Variants in STX2 observed in about 807,000 individuals in gnomAD.
The protein encoded by STX2 is syntaxin-2.
STX2 carries 27 observed loss-of-function variants against 40.6 expected under a neutral mutation model. That is an observed-to-expected ratio of 0.66 (90% CI 0.49 to 0.92). The LOEUF is 0.92. Among genes scored for constraint, STX2 ranks in the 40% least tolerant of loss-of-function variants. The probability of loss-of-function intolerance (pLI) is 0.00; values close to 1 mark genes in which losing one functional copy is unlikely to be tolerated. For synonymous variants in STX2, 123 were observed against 119.1 expected, an observed-to-expected ratio of 1.03 and a Z score of -0.22; for missense variants, 328 against 366.1, an observed-to-expected ratio of 0.90 and a Z score of 0.85.
chr12:130,817,983 G>A (rs1951924444), intron 3 of STX2, among the ~76,000 whole-genome samples: 1 of 151,364 alleles, frequency 6.6e-6, no homozygotes, highest in Non-Finnish European at 1.5e-5. Flanking sequence ...GCAGGGCAGG[G>A]GTCCCGGAGC....
intron 2 of STX2, among the ~76,000 whole-genome samples, chr12:130,823,281 C>T (rs1008537739): frequency 6.6e-6 from 1 of 152,204 alleles, no homozygotes; most frequent in African/African-American, 2.4e-5. Flanking sequence ...CACTACACTA[C>T]AGCCTGGGCA....
chr12:130,799,263 T>C (rs1230229618), intron 8 of STX2, among the ~76,000 whole-genome samples: 2 of 152,220 alleles, frequency 1.3e-5, no homozygotes, highest in East Asian at 3.8e-4. Context: ...TTCAACTTAC[T>C]AGTAATCTCT....
chr12:130,815,575 G>A (rs1032027196), intron 3 of STX2, among the ~76,000 whole-genome samples: 2 of 152,190 alleles, frequency 1.3e-5, no homozygotes, highest in Non-Finnish European at 2.9e-5. Flanking sequence ...AATATCCAGT[G>A]GATTTTCAGG....
At chr12:130,831,103 T>C (rs1165478993) in intron 1 of STX2, among the ~76,000 whole-genome samples, 3 of 152,216 alleles carry the variant, frequency 2.0e-5, no homozygotes, top group Admixed American at 1.3e-4. Flanking sequence ...TAATTTGCCA[T>C]TGGAACGATC....
At chr12:130,800,286 T>C (rs774071741) in intron 8 of STX2, among the ~76,000 whole-genome samples, 11 of 151,374 alleles carry the variant, frequency 7.3e-5, no homozygotes, top group Non-Finnish European at 1.5e-4. Flanking sequence ...CATACATACA[T>C]ATATATGTGT....
In STX2 at chr12:130,830,430, G is replaced by GGCGTC. The variant is rs368473884; in HGVS notation, c.31-3168_31-3164dup. On this transcript the variant is annotated intron_variant, in intron 1 of 10. Coordinates refer to ENST00000392373, the MANE Select transcript of STX2 (RefSeq NM_194356.4). ...CGCGATGCACCCCCCACAGTGGCGT[G>GGCGTC]GCGTCAATCCTCCTCCACTCTGAAC... 4.4e-3 allele frequency among the ~76,000 whole-genome samples: 670 copies of GGCGTC among 152,278 alleles called. 9 individuals are homozygous for GGCGTC. Among genetic ancestry groups the GGCGTC allele is most frequent in the African/African-American group, 0.016 (647 of 41,558 alleles).
Position 130,836,152 on chromosome 12 carries a change from C to T in STX2, c.30+2918G>A, listed in dbSNP as rs760702541. ...AAAGGACACATTTCCTGGGGCGGGG[C>T]GGGGGAGGGGAATTAAACTTGTATC... On this transcript the variant is annotated intron_variant, in intron 1 of 10. Transcript: ENST00000392373. Among the ~76,000 whole-genome samples, 36 of 98,018 alleles carry T rather than the reference C, an allele frequency of 3.7e-4. 1 individual carries two copies. The highest frequency in any genetic ancestry group is 2.0e-3 in the Admixed American group (16 of 7,986). 64.3% of individuals were successfully genotyped at this position (98,018 alleles called of 152,430 possible).
intron 9 of STX2, chr12:130,798,258 AAAAAAAAAAAGTGC>A: frequency 4.3e-6 from 1 of 234,722 alleles, no homozygotes. Flanking sequence ...TTCAAAAAAA[AAAAAAAAAAAGTGC>A]TGGGATTACA....
In STX2 at chr12:130,826,771, C is replaced by T. The variant is rs550422757; in HGVS notation, c.105+422G>A. Among the ~76,000 whole-genome samples, 6 of 151,884 alleles carry T rather than the reference C, an allele frequency of 4.0e-5. No homozygotes were observed. In the South Asian group the frequency reaches 6.2e-4, roughly 16 times the overall value. ...ATCCTAGCACTTTGGGAAGCTGAGGCGGGCGGATTGCCTGAGCTCAGGAGT... is the reference window on the plus strand; with the variant it reads ...ATCCTAGCACTTTGGGAAGCTGAGGTGGGCGGATTGCCTGAGCTCAGGAGT... On this transcript the variant is annotated intron_variant, in intron 2 of 10. Coordinates refer to ENST00000392373, the MANE Select transcript of STX2 (RefSeq NM_194356.4).
chr12:130,821,780 C>T lies in STX2; in HGVS notation c.114G>A (p.Glu38=), dbSNP rs748988900. The change falls in exon 3 of 11, where the codon GAG becomes GAA. Residue 38 remains glutamate (E), a synonymous_variant. Transcript: ENST00000392373. ...TTATTTTATCAATACTGTTTCTAAT[C>T]TCCTCCACCTAGGAGAGAGAGAGAG... is the stretch of plus-strand genomic sequence containing the variant. The part of the protein sequence containing the change: ...FMDDFFHQVE[E]IRNSIDKITQ... 6 of 1,603,802 alleles carry T rather than the reference C, an allele frequency of 3.7e-6. No homozygotes were observed.
At chr12:130,802,377 T>C (rs1331253783) in intron 6 of STX2, among the ~76,000 whole-genome samples, 3 of 152,342 alleles carry the variant, frequency 2.0e-5, no homozygotes, top group South Asian at 2.1e-4. Flanking sequence ...TTTGTATTTT[T>C]AGTAGAGGTG....
intron 1 of STX2, among the ~76,000 whole-genome samples, chr12:130,827,858 A>C (rs1384704391): frequency 6.6e-6 from 1 of 152,028 alleles, no homozygotes; most frequent in Non-Finnish European, 1.5e-5. Context: ...CTAGTGGCCC[A>C]TGCCTGTGGT....
At chr12:130,806,755 A>G (rs547158724) in intron 6 of STX2, among the ~76,000 whole-genome samples, 4 of 152,354 alleles carry the variant, frequency 2.6e-5, no homozygotes, top group African/African-American at 9.6e-5. Flanking sequence ...CTGAAACTCT[A>G]AAAGCAACAG....
At position 130,796,021 on chromosome 12, in the gene STX2, A is replaced by G. The variant is rs1313419160; in HGVS notation, c.*19T>C. 5 of 1,613,900 alleles carry G rather than the reference A, an allele frequency of 3.1e-6. No individual in the cohort carries two copies. The East Asian group carries it at 8.9e-5, about 29-fold the overall frequency. On this transcript the variant is annotated 3_prime_UTR_variant, in exon 10 of 11. Transcript: ENST00000392373. ...CCCACCCTGGCAGAGAGGCATGCAC[A>G]CTGACGTTATCCACACCATCATTTG...
At position 130,823,407 on chromosome 12, in the gene STX2, T is replaced by C. The variant is rs1952188676; in HGVS notation, c.106-1619A>G. Among the ~76,000 whole-genome samples the C allele has an allele frequency of 2.6e-5, 4 of 152,334 alleles. No homozygotes were observed. The South Asian group carries it at 8.3e-4, about 32-fold the overall frequency. On this transcript the variant is annotated intron_variant, in intron 2 of 10. Coordinates refer to ENST00000392373, the MANE Select transcript of STX2 (RefSeq NM_194356.4). The stretch of plus-strand genomic sequence containing the variant: ...GAGCCTGTGAATATGTCACCTTGCA[T>C]AGCAAAGGGAACTTTGCAGATGTGA...
At chr12:130,796,311 T>C (rs944314181) in intron 9 of STX2, among the ~76,000 whole-genome samples, 191 bp from the exon 10 acceptor site, 2 of 152,084 alleles carry the variant, frequency 1.3e-5, no homozygotes, top group African/African-American at 4.8e-5. Context: ...CTGGCCAACA[T>C]GGCGAAACCC....
intron 1 of STX2, among the ~76,000 whole-genome samples, 197 bp downstream of exon 1, chr12:130,838,873 C>A (rs1304110753): frequency 6.6e-6 from 1 of 151,268 alleles, no homozygotes; most frequent in East Asian, 2.0e-4. Flanking sequence ...ACTCCCGGGA[C>A]CCCCGCCCTG....
At chr12:130,826,647 T>C (rs1317723082) in intron 2 of STX2, among the ~76,000 whole-genome samples, 1 of 152,184 alleles carries the variant, frequency 6.6e-6, no homozygotes, top group African/African-American at 2.4e-5. Context: ...CTTTTAAAAA[T>C]ATTAGCTTAA....
At chr12:130,830,835 A>T (rs1016465015) in intron 1 of STX2, among the ~76,000 whole-genome samples, 2 of 152,228 alleles carry the variant, frequency 1.3e-5, no homozygotes, top group Non-Finnish European at 2.9e-5. Context: ...GAGGGTATTT[A>T]TTGTAAATAA....
Sources: gnomAD v4.1 joint callset for allele counts (sites outside exome capture counted in the v4.1 genomes callset) on GRCh38, gnomAD v4.1.1 for gene constraint, MANE v1.5 for transcripts, NCBI Gene and HGNC (gene_info 2026-07-23, HGNC 2026-07-21) for gene names.